Variants in NOTCH3 observed in about 807,000 individuals in gnomAD.
NOTCH3 encodes neurogenic locus notch homolog protein 3.
In NOTCH3, 86 loss-of-function variants were observed where a neutral mutation model predicts 213.3. That is an observed-to-expected ratio of 0.40 (90% CI 0.34 to 0.48). The LOEUF (loss-of-function observed/expected upper bound fraction) is 0.48. Among genes scored for constraint, NOTCH3 ranks in the 20% least tolerant of loss-of-function variants. The probability of loss-of-function intolerance (pLI) is 0.57; values close to 1 mark genes in which losing one functional copy is unlikely to be tolerated. For missense variants in NOTCH3, 2,783 were observed against 3,272.6 expected (o/e 0.85, Z 3.65); for synonymous variants, 1,354 against 1,355.9 (o/e 1.00, Z 0.03).
chr19:15,187,563 G>A (rs759791262), intron 10 of NOTCH3, among the ~76,000 whole-genome samples: 1 of 141,924 alleles, frequency 7.0e-6, no homozygotes, highest in Non-Finnish European at 1.5e-5. Flanking sequence ...GTTAAATCCC[G>A]CCCCCAGCTG....
Position 15,184,987 on chromosome 19 carries a change from G to T in NOTCH3, c.2329C>A (p.Pro777Thr). The change falls in exon 15 of 33, where the codon CCG (proline) becomes ACG (threonine). Residue 777 changes from proline to threonine, a missense_variant. Physicochemically the swap from Pro to Thr is conservative, Grantham distance 38. Around this residue, in one of 6 missense-constraint regions of NOTCH3, gnomAD observed 861 missense variants for 909.1 expected, o/e 0.95. Transcript: ENST00000263388. ...RQCELLSPCT[P>T]NPCEHGGRCE... is the part of the protein sequence containing the mutation. ...CGGCCCCCATGCTCACAGGGGTTCG[G>T]GGTGCAGGGGGAGAGGAGTTCACAC... The T allele has an allele frequency of 6.5e-7, 1 of 1,538,150 alleles. No homozygotes were observed.
chr19:15,170,627 C>CCCA, intron 26 of NOTCH3, 44 bp downstream of exon 26: 1 of 1,543,178 alleles, frequency 6.5e-7, no homozygotes, highest in Non-Finnish European at 8.7e-7. Context: ...TTCGGCCGCC[C>CCCA]CCAGCTCCGC....
Position 15,191,677 on chromosome 19 carries a change from C to T in NOTCH3, c.803-20G>A, listed in dbSNP as rs2046927806. The T allele has an allele frequency of 6.2e-7, 1 of 1,613,434 alleles. No individual in the cohort carries two copies. The highest frequency in any genetic ancestry group is 8.5e-7 in the Non-Finnish European group (1 of 1,179,954). On this transcript the variant is annotated intron_variant, in intron 5 of 32. Transcript: ENST00000263388. ...ACTGGCCTGTGGCACACAGATGCAG[C>T]AGTCCAGCCACCTGGCGCATGTCCA...
At chr19:15,191,399 C>T (rs1410039944) in intron 6 of NOTCH3, 25 bp downstream of exon 6, 1 of 1,594,320 alleles carries the variant, frequency 6.3e-7, no homozygotes, top group Admixed American at 1.7e-5. Context: ...ATCCATGGCT[C>T]CCTGCAGAGA....
Position 15,192,014 on chromosome 19 carries a change from C to T in NOTCH3, c.625G>A (p.Gly209Arg), listed in dbSNP as rs776600631. ...VPCAPSPCRN[G>R]GTCRQSGDLT... ...TCGCCACTCTGCCTGCAGGTGCCCC[C>T]GTTACGGCATGGTGAGGGTGCACAG... The change falls in exon 4 of 33, where the codon GGG (glycine) becomes AGG (arginine). Residue 209 changes from glycine to arginine, a missense_variant. Around this residue, in one of 6 missense-constraint regions of NOTCH3, gnomAD observed 708 missense variants for 906.6 expected, o/e 0.78. Transcript: ENST00000263388. The T allele has an allele frequency of 1.1e-5, 17 of 1,613,130 alleles. No homozygotes were observed. Among genetic ancestry groups the T allele is most frequent in the East Asian group, 2.2e-5 (1 of 44,878 alleles).
At chr19:15,180,626 C>T (rs1404679059) in intron 19 of NOTCH3, 55 bp downstream of exon 19, 23 of 1,533,338 alleles carry the variant, frequency 1.5e-5, no homozygotes, top group East Asian at 2.4e-5. Context: ...GCAGGAGGTA[C>T]GTGCATGAGC....
At position 15,174,106 on chromosome 19, in the gene NOTCH3, T is replaced by C. The variant is rs1370665937; in HGVS notation, c.4698A>G (p.Glu1566=). Residue 1566 remains glutamate, a synonymous_variant, in exon 25 of 33, where the codon GAA becomes GAG. Coordinates refer to ENST00000263388, the MANE Select transcript of NOTCH3 (RefSeq NM_000435.3). The part of the protein sequence containing the change: ...FPYHRPSPGS[E]PRARRELAPE... The stretch of plus-strand genomic sequence containing the variant: ...GGGCCAGCTCCCGACGGGCCCGGGG[T>C]TCGGAGCCAGGACTAGGCCGGTGGT... 1 of 1,594,008 alleles carries C rather than the reference T, an allele frequency of 6.3e-7. No individual in the cohort carries two copies. Among genetic ancestry groups the C allele is most frequent in the Admixed American group, 1.7e-5 (1 of 59,442 alleles).
In NOTCH3 at chr19:15,193,269, C is replaced by T. The variant is rs1281636290; in HGVS notation, c.198-750G>A. ...TTTTTTTTTAAGAGACGGAGTCTTG[C>T]TCTGTCACCCAGGCTGCAGTGCAGT... is the stretch of plus-strand genomic sequence containing the variant. On this transcript the variant is annotated intron_variant, in intron 2 of 32. Coordinates refer to ENST00000263388, the MANE Select transcript of NOTCH3 (RefSeq NM_000435.3). Among the ~76,000 whole-genome samples, 3 of 150,988 alleles carry T rather than the reference C, an allele frequency of 2.0e-5. No homozygotes were observed. In the Admixed American group the frequency reaches 2.0e-4, roughly 10 times the overall value.
intron 1 of NOTCH3, among the ~76,000 whole-genome samples, chr19:15,199,782 G>C (rs749506330): frequency 1.3e-5 from 2 of 152,126 alleles, no homozygotes; most frequent in Non-Finnish European, 2.9e-5. Flanking sequence ...GGGCTGGGGA[G>C]GCCGTTCACT....
intron 29 of NOTCH3, 116 bp from the exon 30 acceptor site, chr19:15,166,207 G>C: frequency 1.2e-6 from 1 of 863,564 alleles, no homozygotes; most frequent in Non-Finnish European, 1.9e-6. Flanking sequence ...ACAATTAGCA[G>C]ATCCTCCTGT....
At position 15,170,713 on chromosome 19, in the gene NOTCH3, C is replaced by G. The variant is rs750303502; in HGVS notation, c.4849G>C (p.Val1617Leu). 6.2e-7 allele frequency: 1 copy of G among 1,601,182 alleles called. No homozygotes were observed. Residue 1617 changes from valine to leucine, a missense_variant, in exon 26 of 33, where the codon GTG becomes CTG. By Grantham distance (32) the Val-to-Leu change is conservative (BLOSUM62 1). Around this residue, in one of 6 missense-constraint regions of NOTCH3, gnomAD observed 636 missense variants for 801.8 expected, o/e 0.79. Coordinates refer to ENST00000263388, the MANE Select transcript of NOTCH3 (RefSeq NM_000435.3). ...GGGTACGGGAAGTCCAGGCGCTCCA[C>G]CGCTGACAACGCTCCCAGGTAGTCA... ...AADYLGALSA[V>L]ERLDFPYPLR... is the part of the protein sequence containing the mutation.
At chr19:15,166,971 G>T (rs574435048) in intron 29 of NOTCH3, among the ~76,000 whole-genome samples, 10 of 152,346 alleles carry the variant, frequency 6.6e-5, no homozygotes, top group African/African-American at 2.2e-4. Flanking sequence ...CATTAAGAAG[G>T]TTTTGTAAGA....
chr19:15,185,372 G>A lies in NOTCH3; in HGVS notation c.2181C>T (p.Pro727=), dbSNP rs2145429645. The A allele has an allele frequency of 6.2e-7, 1 of 1,612,414 alleles. No homozygotes were observed. The highest frequency in any genetic ancestry group is 2.2e-5 in the East Asian group (1 of 44,820). ...CTCGGGCCAGGCTCTGGCTGCAGCG[G>A]GGGCCACTCCAGCCAGGCTCACACA... ...RCVCEPGWSG[P]RCSQSLARDA... The change falls in exon 14 of 33, where the codon CCC becomes CCT. Residue 727 remains proline, a synonymous_variant. Transcript: ENST00000263388. The surrounding 1 kb of genome is among the most constrained non-coding windows in gnomAD (Gnocchi z 4.2).
rs377437377 is a variant in NOTCH3, at chr19:15,188,970, G to A, written c.1378+19C>T. On this transcript the variant is annotated intron_variant, in intron 8 of 32. Coordinates refer to ENST00000263388, the MANE Select transcript of NOTCH3 (RefSeq NM_000435.3). The stretch of plus-strand genomic sequence containing the variant: ...CGCCCCCTGCCTCAGGACCCGCCCA[G>A]GCCACGCCCACCACCCACCTGCCAT... 1.0e-4 allele frequency: 161 copies of A among 1,603,988 alleles called. 1 individual carries two copies. The highest frequency in any genetic ancestry group is 1.7e-4 in the Middle Eastern group (1 of 6,046).
chr19:15,175,153 G>T (rs897707940), intron 24 of NOTCH3, among the ~76,000 whole-genome samples: 3 of 152,124 alleles, frequency 2.0e-5, no homozygotes, highest in Non-Finnish European at 4.4e-5. Context: ...CCTGGTCCAC[G>T]TGCAGCTGGC....
chr19:15,199,233 G>A (rs2046992380), intron 1 of NOTCH3, among the ~76,000 whole-genome samples: 1 of 152,304 alleles, frequency 6.6e-6, no homozygotes, highest in Non-Finnish European at 1.5e-5. Flanking sequence ...GAGTCTATCT[G>A]TACATGCATG....
Position 15,159,331 on chromosome 19 carries a change from C to T in NOTCH3, c.*1331G>A, listed in dbSNP as rs1053777229. On this transcript the variant is annotated 3_prime_UTR_variant, in exon 33 of 33. Transcript: ENST00000263388. ...TGTTTGCTTGTCTCTTTGCCCACCA[C>T]CTCGAATTGGCCACTGATATTTCTA... 1.3e-5 allele frequency: 2 copies of T among 159,816 alleles called. No homozygotes were observed. Among genetic ancestry groups the T allele is most frequent in the African/African-American group, 4.8e-5 (2 of 41,624 alleles). The allele number at this position is 159,816 out of a possible 1,614,324, so 9.9% of individuals were successfully genotyped here.
intron 31 of NOTCH3, 63 bp from the exon 32 acceptor site, chr19:15,162,625 A>G: frequency 7.8e-7 from 1 of 1,289,338 alleles, no homozygotes. Flanking sequence ...CATGTCAGGG[A>G]GGCAGAAATT....
At position 15,168,561 on chromosome 19, in the gene NOTCH3, C is replaced by T. The variant is rs557720945; in HGVS notation, c.5200-1150G>A. Among the ~76,000 whole-genome samples the T allele has an allele frequency of 2.9e-4, 44 of 152,182 alleles. 1 individual carries two copies. The highest frequency in any genetic ancestry group is 6.8e-3 in the Middle Eastern group (2 of 294). On this transcript the variant is annotated intron_variant, in intron 28 of 32. Transcript: ENST00000263388. ...CTAAAAATCATACAATGGCCGGGCA[C>T]GGTGGCTCACGTCTGTAATCCCAGC...
Sources: allele counts gnomAD v4.1 joint callset (sites outside exome capture counted in the v4.1 genomes callset), GRCh38; gene constraint gnomAD v4.1.1; regional missense constraint gnomAD v4.1.1; non-coding constraint Gnocchi (gnomAD v3.1); transcripts MANE v1.5; gene names NCBI Gene and HGNC (gene_info 2026-07-23, HGNC 2026-07-21).